VWA8: variants seen among roughly 807,000 people sequenced by gnomAD.
VWA8 encodes von Willebrand factor A domain containing 8, also known as von Willebrand factor A domain-containing protein 8.
Under a neutral mutation model 241.5 loss-of-function variants are expected in VWA8, and 221 were observed. The ratio of observed to expected loss-of-function variants is 0.91; its 90% confidence interval spans 0.82 to 1.02. VWA8 has a LOEUF of 1.02. Among genes scored for constraint, VWA8 ranks in the 50% least tolerant of loss-of-function variants. VWA8 has a pLI of 0.00. For synonymous variants in VWA8, 852 were observed against 827.1 expected (o/e 1.03, Z -0.52); for missense variants, 2,322 against 2,328.7 (o/e 1.00, Z 0.06).
chr13:41,910,843 C>T (rs569082896), intron 3 of VWA8, among the ~76,000 whole-genome samples: 15 of 152,052 alleles, frequency 9.9e-5, no homozygotes, highest in Middle Eastern at 3.4e-3. Flanking sequence ...AAAGAAGATT[C>T]GCCACTGAAA....
At chr13:41,671,274 T>G in intron 36 of VWA8, 127 bp from the exon 37 acceptor site, 1 of 1,020,592 alleles carries the variant, frequency 9.8e-7, no homozygotes, top group Non-Finnish European at 1.4e-6. Context: ...TTATACCTGC[T>G]CTTACCTCTG....
At position 41,912,171 on chromosome 13, in the gene VWA8, A is replaced by T. The variant is rs1353245096; in HGVS notation, c.242-3T>A. 1.9e-6 allele frequency: 3 copies of T among 1,580,988 alleles called. No homozygotes were observed. Among genetic ancestry groups the T allele is most frequent in the Non-Finnish European group, 2.6e-6 (3 of 1,164,212 alleles). ...AGATTGAGCCAGAGAGTCTGAAACT[A>T]TAAAGAAAAAAGAGAAAATGAAGTG... On this transcript the variant is annotated splice_polypyrimidine_tract_variant and splice_region_variant and intron_variant, in intron 2 of 44. Coordinates refer to ENST00000379310, the MANE Select transcript of VWA8 (RefSeq NM_015058.2).
At chr13:41,777,376 A>C (rs1285938468) in intron 20 of VWA8, among the ~76,000 whole-genome samples, 1 of 152,144 alleles carries the variant, frequency 6.6e-6, no homozygotes, top group Admixed American at 6.5e-5. Context: ...CTCCCTGCAG[A>C]AGGAAGAGCA....
chr13:41,814,330 G>A (rs751418998), intron 16 of VWA8, among the ~76,000 whole-genome samples: 18 of 152,172 alleles, frequency 1.2e-4, no homozygotes, highest in Non-Finnish European at 2.2e-4. Context: ...AAAGCAGATT[G>A]GAGATATTAG....
intron 21 of VWA8, among the ~76,000 whole-genome samples, chr13:41,751,221 G>T (rs2045653914): frequency 6.6e-6 from 1 of 152,076 alleles, no homozygotes; most frequent in African/African-American, 2.4e-5. Context: ...GATCTACATG[G>T]AAAAGTAGAG....
chr13:41,825,792 T>C (rs1871149584), intron 14 of VWA8, among the ~76,000 whole-genome samples: 1 of 152,186 alleles, frequency 6.6e-6, no homozygotes, highest in Non-Finnish European at 1.5e-5. Flanking sequence ...GGACAGACAA[T>C]GTGGGTCATA....
At chr13:41,897,802 G>A (rs1194074512) in intron 4 of VWA8, among the ~76,000 whole-genome samples, 2 of 152,110 alleles carry the variant, frequency 1.3e-5, no homozygotes, top group Non-Finnish European at 2.9e-5. Context: ...TTATTGCAAA[G>A]AGCGAAAAAA....
intron 2 of VWA8, among the ~76,000 whole-genome samples, chr13:41,939,745 A>G (rs1487214071): frequency 1.3e-5 from 2 of 152,346 alleles, no homozygotes; most frequent in Middle Eastern, 3.4e-3. Flanking sequence ...CCAGCTAAGA[A>G]TATTTCTAGT....
At chr13:41,636,693 A>G (rs1267029022) in intron 37 of VWA8, among the ~76,000 whole-genome samples, 1 of 151,972 alleles carries the variant, frequency 6.6e-6, no homozygotes, top group Non-Finnish European at 1.5e-5. Flanking sequence ...AATATCCAGA[A>G]TCTACAATGA....
At chr13:41,872,186 T>A (rs894168280) in intron 9 of VWA8, among the ~76,000 whole-genome samples, 158 of 152,276 alleles carry the variant, frequency 1.0e-3, no homozygotes, top group Non-Finnish European at 2.0e-3. Context: ...GTTTGAGTTC[T>A]TTGTAGATTC....
At chr13:41,568,382 G>A in intron 44 of VWA8, 77 bp from the exon 45 acceptor site, 1 of 1,155,490 alleles carries the variant, frequency 8.7e-7, no homozygotes, top group East Asian at 2.3e-5. Flanking sequence ...GCAAACCACA[G>A]CCCCCTAATG....
intron 17 of VWA8, among the ~76,000 whole-genome samples, chr13:41,810,774 A>G (rs978451163): frequency 2.6e-5 from 4 of 152,120 alleles, no homozygotes; most frequent in Admixed American, 6.6e-5. Flanking sequence ...TGGAACGTTC[A>G]TAATGCAAAG....
At chr13:41,897,482 AAAC>A (rs1214077610) in intron 4 of VWA8, among the ~76,000 whole-genome samples, 6 of 152,232 alleles carry the variant, frequency 3.9e-5, no homozygotes, top group Admixed American at 3.9e-4. Flanking sequence ...CCATTATAAA[AAAC>A]AATATGGAGG....
At chr13:41,850,605 T>C (rs1872492192) in intron 12 of VWA8, among the ~76,000 whole-genome samples, 1 of 152,104 alleles carries the variant, frequency 6.6e-6, no homozygotes, top group African/African-American at 2.4e-5. Flanking sequence ...ACCTGCAGAG[T>C]CAGGCACCAG....
In VWA8 at chr13:41,691,430, C is replaced by G. The variant is rs184500543; in HGVS notation, c.3756G>C (p.Val1252=). The stretch of plus-strand genomic sequence containing the variant: ...GAGTTCGCCCTTCTAGAACATCCAG[C>G]ACAGTCAGGCTGTTCCTGGAAAAGA... ...FYKEKGNSLT[V]LDVLEGRTHT... The change falls in exon 32 of 45, where the codon GTG becomes GTC. Residue 1252 remains valine, a synonymous_variant. Transcript: ENST00000379310. 1 of 1,612,354 alleles carries G rather than the reference C, an allele frequency of 6.2e-7. No homozygotes were observed. The highest frequency in any genetic ancestry group is 2.2e-5 in the East Asian group (1 of 44,836).
At chr13:41,711,667 G>A (rs933774468) in intron 26 of VWA8, among the ~76,000 whole-genome samples, 1 of 152,178 alleles carries the variant, frequency 6.6e-6, no homozygotes, top group Non-Finnish European at 1.5e-5. Flanking sequence ...GAGGTCAGGA[G>A]ATCGAGACCA....
chr13:41,946,485 T>A (rs180836565), intron 2 of VWA8, among the ~76,000 whole-genome samples: 84 of 152,254 alleles, frequency 5.5e-4, no homozygotes, highest in African/African-American at 2.0e-3. Flanking sequence ...TTTTAATGTA[T>A]AAAGATATAG....
chr13:41,777,007 A>G (rs190150812), intron 20 of VWA8, among the ~76,000 whole-genome samples: 188 of 152,326 alleles, frequency 1.2e-3, no homozygotes, highest in Middle Eastern at 3.4e-3. Flanking sequence ...CCTTAATTTA[A>G]GACCAATTTA....
chr13:41,606,057 C>T (rs757382028), intron 39 of VWA8, among the ~76,000 whole-genome samples: 4 of 152,110 alleles, frequency 2.6e-5, no homozygotes, highest in African/African-American at 4.8e-5. Context: ...CTCCCACTTA[C>T]TCTTCAAGAC....
Sources: gnomAD v4.1 joint callset for allele counts (sites outside exome capture counted in the v4.1 genomes callset) on GRCh38, gnomAD v4.1.1 for gene constraint, MANE v1.5 for transcripts, NCBI Gene and HGNC (gene_info 2026-07-23, HGNC 2026-07-21) for gene names.